MIS18BP1: variants seen among roughly 807,000 people sequenced by gnomAD.
The protein encoded by MIS18BP1 is mis18-binding protein 1.
A neutral mutation model predicts 116.1 loss-of-function variants in MIS18BP1; 72 were observed. The ratio of observed to expected loss-of-function variants is 0.62; its 90% CI spans 0.51 to 0.75. The LOEUF (loss-of-function observed/expected upper bound fraction) is 0.75. MIS18BP1 is among the 30% of genes least tolerant of loss of function. MIS18BP1 has a pLI of 0.00. For missense variants in MIS18BP1, 1,363 were observed against 1,303.2 expected (o/e 1.05, Z -0.71); for synonymous variants, 386 against 427.0 (o/e 0.90, Z 1.18).
intron 10 of MIS18BP1, 102 bp from the exon 11 acceptor site, chr14:45,224,848 T>C (rs1438177737): frequency 3.3e-6 from 3 of 915,530 alleles, no homozygotes; most frequent in Non-Finnish European, 4.8e-6. Flanking sequence ...ATACTATTTT[T>C]ATCCACGAGC....
intron 2 of MIS18BP1, among the ~76,000 whole-genome samples, chr14:45,243,692 A>G (rs1011299139): frequency 6.6e-6 from 1 of 152,172 alleles, no homozygotes; most frequent in African/African-American, 2.4e-5. Context: ...AACGTGTCAC[A>G]AAAAGAAACA....
chr14:45,251,733 G>A (rs1234304365), intron 1 of MIS18BP1, among the ~76,000 whole-genome samples: 2 of 152,178 alleles, frequency 1.3e-5, no homozygotes, highest in Admixed American at 6.5e-5. Flanking sequence ...AAATGGTCAT[G>A]GGACATGAAA....
chr14:45,218,587 C>A, intron 11 of MIS18BP1, 133 bp from the exon 12 acceptor site: 1 of 860,352 alleles, frequency 1.2e-6, no homozygotes. Flanking sequence ...TTCTGGATAA[C>A]AATTAAGAAA....
At chr14:45,206,859 C>T (rs1228359374) in intron 14 of MIS18BP1, among the ~76,000 whole-genome samples, 1 of 152,246 alleles carries the variant, frequency 6.6e-6, no homozygotes, top group Middle Eastern at 3.4e-3. Flanking sequence ...CTCCTGTTCA[C>T]TTCCTTCCCT....
At chr14:45,248,928 G>A (rs1022507911) in intron 1 of MIS18BP1, among the ~76,000 whole-genome samples, 5 of 151,978 alleles carry the variant, frequency 3.3e-5, no homozygotes, top group Admixed American at 2.0e-4. Context: ...TTTTATTTTT[G>A]AGACAGTGTC....
chr14:45,231,204 C>T lies in MIS18BP1; in HGVS notation c.1531G>A (p.Glu511Lys), dbSNP rs529871068. ...IRKSMKNDARENQTDTAQRAT... is the reference protein window; with the variant it reads ...IRKSMKNDARKNQTDTAQRAT... Reference sequence around the variant, plus strand: ...CTTTGAGCAGTATCTGTTTGGTTTTCTCGTGCATCATTTTTCATTGATTTC... The same window carrying T: ...CTTTGAGCAGTATCTGTTTGGTTTTTTCGTGCATCATTTTTCATTGATTTC... The change falls in exon 8 of 17, where the codon GAA becomes AAA. Residue 511 changes from glutamate (E) to lysine (K), a missense_variant. Glu to Lys is a moderately conservative substitution (Grantham distance 56). Transcript: ENST00000310806. 3 of 1,613,960 alleles carry T rather than the reference C, an allele frequency of 1.9e-6. No individual in the cohort carries two copies. The East Asian group carries it at 6.7e-5, about 36-fold the overall frequency.
chr14:45,219,543 C>G (rs926363949), intron 11 of MIS18BP1, among the ~76,000 whole-genome samples: 1 of 152,070 alleles, frequency 6.6e-6, no homozygotes, highest in Non-Finnish European at 1.5e-5. Context: ...GAGTTTTAAG[C>G]ATTATCTTTG....
In MIS18BP1 at chr14:45,242,088, C is replaced by G; in HGVS notation, c.1089G>C (p.Lys363Asn). 1 of 1,613,582 alleles carries G rather than the reference C, an allele frequency of 6.2e-7. No individual in the cohort carries two copies. Among genetic ancestry groups the G allele is most frequent in the African/African-American group, 1.3e-5 (1 of 74,996 alleles). ...TTTGAAATATTCTTGGAGGAGAAAG[C>G]TTTGAAATATTTCTTTTTGACCTCC... ...IPRRSKRNISKLSPPRIFQTV... is the reference protein window; with the variant it reads ...IPRRSKRNISNLSPPRIFQTV... Residue 363 changes from lysine to asparagine, a missense_variant, in exon 4 of 17, where the codon AAG becomes AAC. Physicochemically the swap from Lys to Asn is moderately conservative, Grantham distance 94 (BLOSUM62 0). Coordinates refer to ENST00000310806, the MANE Select transcript of MIS18BP1 (RefSeq NM_018353.5).
chr14:45,207,206 C>G (rs575038849), intron 14 of MIS18BP1, among the ~76,000 whole-genome samples: 1 of 152,314 alleles, frequency 6.6e-6, no homozygotes, highest in African/African-American at 2.4e-5. Flanking sequence ...TTTCCATACT[C>G]TCTCTTGGCT....
chr14:45,234,582 G>C (rs1372145539), intron 6 of MIS18BP1, among the ~76,000 whole-genome samples: 1 of 152,060 alleles, frequency 6.6e-6, no homozygotes, highest in Non-Finnish European at 1.5e-5. Flanking sequence ...TCTGAGAGAG[G>C]GTAAAAAGGA....
chr14:45,206,605 A>G (rs1890525202), intron 14 of MIS18BP1, among the ~76,000 whole-genome samples: 2 of 152,198 alleles, frequency 1.3e-5, no homozygotes, highest in Admixed American at 6.5e-5. Context: ...ACGTATTTCC[A>G]TCTTTAAAAA....
At chr14:45,216,895 T>C in intron 13 of MIS18BP1, 124 bp downstream of exon 13, 2 of 999,444 alleles carry the variant, frequency 2.0e-6, no homozygotes, top group Admixed American at 2.5e-5. Flanking sequence ...CATAAGACTA[T>C]GATCATGTCT....
chr14:45,232,615 C>T lies in MIS18BP1; in HGVS notation c.1436+118G>A, dbSNP rs539970460. On this transcript the variant is annotated intron_variant, in intron 7 of 16. Coordinates refer to ENST00000310806, the MANE Select transcript of MIS18BP1 (RefSeq NM_018353.5). Reference sequence around the variant, plus strand: ...TTCGAGACCAGTCTGGCCAACATGACGAAACCCCATCTCTATTAAAAATAC... The same window carrying T: ...TTCGAGACCAGTCTGGCCAACATGATGAAACCCCATCTCTATTAAAAATAC... 1.7e-4 allele frequency: 112 copies of T among 646,940 alleles called. 2 individuals are homozygous for T. Among genetic ancestry groups the T allele is most frequent in the Admixed American group, 1.5e-3 (58 of 38,794 alleles). 40.1% of individuals were successfully genotyped at this position (646,940 alleles called of 1,614,324 possible).
At chr14:45,215,924 T>C (rs1183342855) in intron 13 of MIS18BP1, among the ~76,000 whole-genome samples, 1 of 151,872 alleles carries the variant, frequency 6.6e-6, no homozygotes, top group East Asian at 1.9e-4. Context: ...CAGGATGGTC[T>C]TGATCTCCTG....
chr14:45,247,268 T>C lies in MIS18BP1; in HGVS notation c.19A>G (p.Lys7Glu). The change falls in exon 2 of 17, where the codon AAA becomes GAA. Residue 7 changes from lysine (K) to glutamate (E), a missense_variant. Lys to Glu is a moderately conservative substitution (Grantham distance 56, BLOSUM62 1). Coordinates refer to ENST00000310806, the MANE Select transcript of MIS18BP1 (RefSeq NM_018353.5). MIATPL[K>E]HSRIYLPPEA... Reference sequence around the variant, plus strand: ...GGAGGTAAGTAAATTCTTGAATGTTTCAAAGGTGTTGCAATCATCTTGACA... The same window carrying C: ...GGAGGTAAGTAAATTCTTGAATGTTCCAAAGGTGTTGCAATCATCTTGACA... The C allele has an allele frequency of 6.4e-7, 1 of 1,574,112 alleles. No homozygotes were observed. The highest frequency in any genetic ancestry group is 2.3e-5 in the East Asian group (1 of 44,432).
Position 45,239,515 on chromosome 14 carries a change from G to A in MIS18BP1, c.1144-1794C>T, listed in dbSNP as rs140826797. Among the ~76,000 whole-genome samples, 13 of 152,268 alleles carry A rather than the reference G, an allele frequency of 8.5e-5. No homozygotes were observed. In the East Asian group the frequency reaches 2.5e-3, roughly 29 times the overall value. On this transcript the variant is annotated intron_variant, in intron 4 of 16. Coordinates refer to ENST00000310806, the MANE Select transcript of MIS18BP1 (RefSeq NM_018353.5). ...GCATGGAAGGCATAATTTGAAAGGAGTAAGTGAGAGGGAATAAGTGGTGAG... is the reference window on the plus strand; with the variant it reads ...GCATGGAAGGCATAATTTGAAAGGAATAAGTGAGAGGGAATAAGTGGTGAG...
chr14:45,251,381 C>T (rs544015966), intron 1 of MIS18BP1, among the ~76,000 whole-genome samples: 2 of 152,198 alleles, frequency 1.3e-5, no homozygotes, highest in African/African-American at 2.4e-5. Flanking sequence ...GAACGTATCC[C>T]AGTCAGTTAC....
Position 45,228,096 on chromosome 14 carries a change from G to A in MIS18BP1, c.1595-282C>T, listed in dbSNP as rs139762948. Among the ~76,000 whole-genome samples, 366 of 152,258 alleles carry A rather than the reference G, an allele frequency of 2.4e-3. 1 individual carries two copies. The highest frequency in any genetic ancestry group is 4.4e-3 in the Non-Finnish European group (299 of 68,012). ...GAGGATCACTTGAGCCAGGGAGGTC[G>A]AGGCTGCAGTGAGCCGTGATTGTGC... On this transcript the variant is annotated intron_variant, in intron 8 of 16. Transcript: ENST00000310806.
In MIS18BP1 at chr14:45,232,745, A is replaced by C; in HGVS notation, c.1424T>G (p.Leu475Arg). Residue 475 changes from leucine (L) to arginine (R), a missense_variant, in exon 7 of 17, where the codon CTG becomes CGG. Coordinates refer to ENST00000310806, the MANE Select transcript of MIS18BP1 (RefSeq NM_018353.5). ...ENWKEHIDNF[L>R]EQLRAGEKNR... ...AACAACATTTTACCTTAATTGTTCC[A>C]GAAAATTATCAATGTGCTCTTTCCA... 1 of 1,457,628 alleles carries C rather than the reference A, an allele frequency of 6.9e-7. No homozygotes were observed. Among genetic ancestry groups the C allele is most frequent in the Non-Finnish European group, 9.3e-7 (1 of 1,071,780 alleles). The allele number at this position is 1,457,628 out of a possible 1,614,324, so 90.3% of individuals were successfully genotyped here.
Sources: gnomAD v4.1 joint callset for allele counts (sites outside exome capture counted in the v4.1 genomes callset) on GRCh38, gnomAD v4.1.1 for gene constraint, MANE v1.5 for transcripts, NCBI Gene and HGNC (gene_info 2026-07-23, HGNC 2026-07-21) for gene names.